RABGAP1L: variants seen among roughly 807,000 people sequenced by gnomAD.
RABGAP1L encodes the protein rab GTPase-activating protein 1-like.
A neutral mutation model predicts 137.7 loss-of-function variants in RABGAP1L; 63 were observed. The observed-to-expected ratio is 0.46, with a 90% CI of 0.37 to 0.56. RABGAP1L has a LOEUF of 0.56. Among genes scored for constraint, RABGAP1L ranks in the 20% least tolerant of loss-of-function variants. RABGAP1L has a pLI of 0.00. For synonymous variants in RABGAP1L, 431 were observed against 433.7 expected (o/e 0.99, Z 0.08); for missense variants, 1,095 against 1,244.0 (o/e 0.88, Z 1.80).
At chr1:174,528,203 C>T (rs1301093523) in intron 13 of RABGAP1L, among the ~76,000 whole-genome samples, 2 of 151,284 alleles carry the variant, frequency 1.3e-5, no homozygotes, top group Non-Finnish European at 3.0e-5. Flanking sequence ...GTTTTTGGTT[C>T]TTTTCTATAT....
intron 5 of RABGAP1L, chr1:174,245,649 T>TTA (rs1672194236): frequency 1.3e-5 from 2 of 151,704 alleles, no homozygotes; most frequent in African/African-American, 4.8e-5. Flanking sequence ...TTTTTATTTT[T>TTA]TTTTTTGAGG....
chr1:174,350,208 C>T (rs1308903206), intron 11 of RABGAP1L, among the ~76,000 whole-genome samples: 13 of 141,122 alleles, frequency 9.2e-5, no homozygotes, highest in African/African-American at 3.5e-4. Context: ...CCACCTCCCT[C>T]CCGGACGGGG....
At chr1:174,758,807 A>G (rs534254200) in intron 18 of RABGAP1L, among the ~76,000 whole-genome samples, 1 of 152,306 alleles carries the variant, frequency 6.6e-6, no homozygotes, top group South Asian at 2.1e-4. Flanking sequence ...ATCAAAAGTC[A>G]AAACTGAAAT....
In RABGAP1L at chr1:174,389,185, A is replaced by G. The variant is rs1687032314; in HGVS notation, c.1560-4810A>G. Among the ~76,000 whole-genome samples the G allele has an allele frequency of 2.0e-5, 3 of 152,222 alleles. No individual in the cohort carries two copies. The South Asian group carries it at 6.2e-4, about 32-fold the overall frequency. On this transcript the variant is annotated intron_variant, in intron 12 of 25. Coordinates refer to ENST00000681986, the MANE Select transcript of RABGAP1L (RefSeq NM_001366446.1). ...TGAAACATTTCTTAATGTAGGTCGT[A>G]TAACTTCTCCGTATCTAGTTCTTCT...
intron 1 of RABGAP1L, among the ~76,000 whole-genome samples, chr1:174,201,418 G>C (rs1198199886): frequency 1.3e-5 from 2 of 151,966 alleles, no homozygotes; most frequent in Non-Finnish European, 2.9e-5. Flanking sequence ...GTCTAGTCTC[G>C]AACTCCTGAG....
intron 14 of RABGAP1L, among the ~76,000 whole-genome samples, chr1:174,645,840 C>A (rs892364176): frequency 1.3e-5 from 2 of 152,136 alleles, no homozygotes; most frequent in Non-Finnish European, 2.9e-5. Context: ...TAAAAGTGTT[C>A]CTGTTTCTCC....
intron 13 of RABGAP1L, among the ~76,000 whole-genome samples, chr1:174,432,126 A>G (rs762350523): frequency 2.6e-4 from 39 of 152,048 alleles, no homozygotes; most frequent in Non-Finnish European, 4.4e-4. Context: ...TCCTAACTCT[A>G]TTAGTTCCCA....
intron 1 of RABGAP1L, among the ~76,000 whole-genome samples, chr1:174,179,563 C>T (rs1666186954): frequency 6.6e-6 from 1 of 151,960 alleles, no homozygotes; most frequent in Non-Finnish European, 1.5e-5. Flanking sequence ...CACACACACA[C>T]ACACACACAC....
At chr1:174,365,610 C>G (rs1366699368) in intron 11 of RABGAP1L, among the ~76,000 whole-genome samples, 1 of 152,158 alleles carries the variant, frequency 6.6e-6, no homozygotes, top group Non-Finnish European at 1.5e-5. Context: ...TCCGCTGTGA[C>G]AGGGCAGCAG....
At chr1:174,317,648 G>C (rs775511048) in intron 11 of RABGAP1L, among the ~76,000 whole-genome samples, 13 of 152,154 alleles carry the variant, frequency 8.5e-5, no homozygotes, top group Non-Finnish European at 1.8e-4. Flanking sequence ...TGCCCCAGCT[G>C]ATGTCTCAGT....
chr1:174,747,966 T>A (rs1684015570), intron 17 of RABGAP1L, among the ~76,000 whole-genome samples: 2 of 152,102 alleles, frequency 1.3e-5, no homozygotes, highest in Admixed American at 6.6e-5. Flanking sequence ...TGACCCCATC[T>A]GGCACATACT....
intron 7 of RABGAP1L, among the ~76,000 whole-genome samples, chr1:174,257,559 C>G (rs781678470): frequency 5.3e-5 from 8 of 152,148 alleles, no homozygotes; most frequent in Non-Finnish European, 1.0e-4. Flanking sequence ...ACAATTTTAT[C>G]AGACTCTCAT....
chr1:174,614,866 G>A (rs1373443785), intron 13 of RABGAP1L, among the ~76,000 whole-genome samples: 1 of 152,014 alleles, frequency 6.6e-6, no homozygotes, highest in Non-Finnish European at 1.5e-5. Context: ...CCAGTTGATC[G>A]TATCGGCTCC....
intron 11 of RABGAP1L, among the ~76,000 whole-genome samples, chr1:174,342,705 C>T (rs956159489): frequency 6.6e-6 from 1 of 150,590 alleles, no homozygotes; most frequent in Non-Finnish European, 1.5e-5. Context: ...TGGACCATTC[C>T]TCTTCCCTGC....
At chr1:174,541,582 C>G (rs1434778305) in intron 13 of RABGAP1L, among the ~76,000 whole-genome samples, 1 of 152,142 alleles carries the variant, frequency 6.6e-6, no homozygotes, top group Non-Finnish European at 1.5e-5. Context: ...CGAGACCATC[C>G]TGGCTAACAC....
At position 174,395,490 on chromosome 1, in the gene RABGAP1L, T is replaced by C. The variant is rs534568314; in HGVS notation, c.1710+1345T>C. Among the ~76,000 whole-genome samples the C allele has an allele frequency of 4.7e-4, 72 of 152,312 alleles. 1 individual carries two copies. The highest frequency in any genetic ancestry group is 1.7e-3 in the African/African-American group (72 of 41,574). On this transcript the variant is annotated intron_variant, in intron 13 of 25. Coordinates refer to ENST00000681986, the MANE Select transcript of RABGAP1L (RefSeq NM_001366446.1). ...ACTCATGTAACAAAGATGGACATTT[T>C]GAAACATATGGCGGTTTAAACACCT...
chr1:174,974,286 G>A (rs192049543), intron 21 of RABGAP1L, among the ~76,000 whole-genome samples: 9 of 152,214 alleles, frequency 5.9e-5, no homozygotes, highest in South Asian at 2.1e-4. Context: ...CACCGCACCC[G>A]GCTGTACAGC....
chr1:174,287,882 G>A (rs1676209976), intron 10 of RABGAP1L, among the ~76,000 whole-genome samples: 1 of 152,050 alleles, frequency 6.6e-6, no homozygotes, highest in Non-Finnish European at 1.5e-5. Context: ...TTTTTAAAAT[G>A]GTTTGTAGTC....
At chr1:174,953,869 C>A (rs965437808) in intron 19 of RABGAP1L, among the ~76,000 whole-genome samples, 1 of 152,184 alleles carries the variant, frequency 6.6e-6, no homozygotes, top group Admixed American at 6.5e-5. Context: ...GGCAGCTGTT[C>A]TGTAACCCTG....
Sources: gnomAD v4.1 joint callset for allele counts (sites outside exome capture counted in the v4.1 genomes callset) on GRCh38, gnomAD v4.1.1 for gene constraint, MANE v1.5 for transcripts, NCBI Gene and HGNC (gene_info 2026-07-23, HGNC 2026-07-21) for gene names.